Variants in PPP6R3 observed in about 807,000 individuals in gnomAD.
The protein encoded by PPP6R3 is protein phosphatase 6 regulatory subunit 3.
PPP6R3 carries 38 observed loss-of-function variants against 110.7 expected under a neutral mutation model. The ratio of observed to expected loss-of-function variants is 0.34; its 90% CI spans 0.26 to 0.45. The LOEUF (loss-of-function observed/expected upper bound fraction) is 0.45, where lower values mean the gene tolerates loss of function less well. PPP6R3 is among the 20% of genes least tolerant of loss of function. PPP6R3 has a pLI of 1.00. For synonymous variants in PPP6R3, 369 were observed against 373.5 expected (o/e 0.99, Z 0.14); for missense variants, 870 against 1,062.4 (o/e 0.82, Z 2.52).
At chr11:68,553,370 C>T (rs1159220751) in intron 6 of PPP6R3, among the ~76,000 whole-genome samples, 3 of 151,586 alleles carry the variant, frequency 2.0e-5, no homozygotes, top group Admixed American at 6.6e-5. Flanking sequence ...CTCGGCTCAC[C>T]GCCACCTCTG....
intron 1 of PPP6R3, among the ~76,000 whole-genome samples, chr11:68,472,456 C>T (rs1020582144): frequency 1.9e-4 from 29 of 152,218 alleles, no homozygotes; most frequent in Non-Finnish European, 3.2e-4. Context: ...CAGGGTAGTG[C>T]GACATGTACA....
Position 68,613,363 on chromosome 11 carries a change from G to A in PPP6R3, c.*246G>A. The A allele has an allele frequency of 8.3e-7, 1 of 1,209,222 alleles. No homozygotes were observed. Among genetic ancestry groups the A allele is most frequent in the South Asian group, 3.1e-5 (1 of 32,492 alleles). 74.9% of individuals were successfully genotyped at this position (1,209,222 alleles called of 1,614,324 possible). A position where few individuals can be genotyped will look rare whatever the true frequency, so the allele number is the denominator to read the frequency against. On this transcript the variant is annotated 3_prime_UTR_variant, in exon 24 of 24. Transcript: ENST00000393800. The stretch of plus-strand genomic sequence containing the variant: ...TTATATTGTATTGTTCTAAATAATG[G>A]GTAGCCTGTGAAATAAGATCTTGCC...
intron 2 of PPP6R3, among the ~76,000 whole-genome samples, chr11:68,524,759 C>T (rs972451315): frequency 2.0e-5 from 3 of 152,168 alleles, no homozygotes; most frequent in African/African-American, 7.2e-5. Flanking sequence ...ATTAGCTCTT[C>T]CTCTTAGCTT....
At chr11:68,608,136 C>A (rs904837808) in intron 22 of PPP6R3, among the ~76,000 whole-genome samples, 4 of 149,752 alleles carry the variant, frequency 2.7e-5, no homozygotes, top group Non-Finnish European at 4.4e-5. Context: ...ATGCTGCAGA[C>A]AAAATTAAGA....
intron 7 of PPP6R3, among the ~76,000 whole-genome samples, chr11:68,557,454 G>C (rs1315461623): frequency 6.6e-6 from 1 of 152,106 alleles, no homozygotes; most frequent in East Asian, 1.9e-4. Flanking sequence ...AGCAACCAAG[G>C]ACAACCCAGC....
chr11:68,475,349 G>A (rs1396993128), intron 1 of PPP6R3, among the ~76,000 whole-genome samples: 2 of 152,218 alleles, frequency 1.3e-5, no homozygotes, highest in Admixed American at 6.5e-5. Flanking sequence ...TGATTTCTCT[G>A]TCTTTTCCCC....
At position 68,567,160 on chromosome 11, in the gene PPP6R3, C is replaced by G. The variant is rs1383387238; in HGVS notation, c.1122C>G (p.Val374=). ...TTATGGAGCTGAATAGCATTGGAGTCATATTGGTGAGATTTTCCCTGCTCA... is the reference window on the plus strand; with the variant it reads ...TTATGGAGCTGAATAGCATTGGAGTGATATTGGTGAGATTTTCCCTGCTCA... ...GDLMELNSIG[V]ILNMFFKYTW... The change falls in exon 10 of 24, where the codon GTC becomes GTG. Residue 374 remains valine, a synonymous_variant. Transcript: ENST00000393800. The G allele has an allele frequency of 1.3e-6, 2 of 1,537,082 alleles. No individual in the cohort carries two copies. The highest frequency in any genetic ancestry group is 1.2e-5 in the South Asian group (1 of 80,206).
At chr11:68,471,057 C>T (rs974356227) in intron 1 of PPP6R3, among the ~76,000 whole-genome samples, 25 of 151,474 alleles carry the variant, frequency 1.7e-4, no homozygotes, top group African/African-American at 5.1e-4. Flanking sequence ...CTGAGACGGG[C>T]GGATCACAAG....
chr11:68,557,621 C>T (rs959590775), intron 7 of PPP6R3, among the ~76,000 whole-genome samples: 1 of 152,100 alleles, frequency 6.6e-6, no homozygotes, highest in Non-Finnish European at 1.5e-5. Flanking sequence ...TGGGTTCAAG[C>T]GATTCTCCTG....
At position 68,548,336 on chromosome 11, in the gene PPP6R3, C is replaced by G. The variant is rs570171347; in HGVS notation, c.552+132C>G. 28 of 1,180,538 alleles carry G rather than the reference C, an allele frequency of 2.4e-5. No individual in the cohort carries two copies. The African/African-American group carries it at 3.1e-4, about 13-fold the overall frequency. The allele number at this position is 1,180,538 out of a possible 1,614,324, so 73.1% of individuals were successfully genotyped here. On this transcript the variant is annotated intron_variant, in intron 5 of 23. Transcript: ENST00000393800. The stretch of plus-strand genomic sequence containing the variant: ...AGAGGGTTGTCTGGGGAGCCGGTAA[C>G]AGGGTGGGGAAGAAAGGTTGTTCCA...
At chr11:68,527,929 A>G (rs1206399323) in intron 2 of PPP6R3, among the ~76,000 whole-genome samples, 1 of 152,190 alleles carries the variant, frequency 6.6e-6, no homozygotes, top group Non-Finnish European at 1.5e-5. Context: ...ATGCAGCTCC[A>G]TTCATCACCT....
chr11:68,490,809 A>C (rs1378875906), intron 1 of PPP6R3, among the ~76,000 whole-genome samples: 1 of 152,068 alleles, frequency 6.6e-6, no homozygotes, highest in Non-Finnish European at 1.5e-5. Flanking sequence ...TATTTCTTAG[A>C]ATTTCCATCT....
intron 22 of PPP6R3, among the ~76,000 whole-genome samples, chr11:68,605,996 A>G (rs1939523895): frequency 6.6e-6 from 1 of 152,268 alleles, no homozygotes; most frequent in South Asian, 2.1e-4. Flanking sequence ...ATAATTACAG[A>G]AAATGATCAG....
intron 22 of PPP6R3, among the ~76,000 whole-genome samples, chr11:68,605,640 CT>C (rs965493889): frequency 2.6e-5 from 4 of 152,100 alleles, no homozygotes; most frequent in African/African-American, 9.7e-5. Context: ...GTAAGTTTGA[CT>C]TTAATTTCTA....
At chr11:68,506,984 G>T (rs2099081928) in intron 1 of PPP6R3, among the ~76,000 whole-genome samples, 1 of 152,168 alleles carries the variant, frequency 6.6e-6, no homozygotes, top group African/African-American at 2.4e-5. Flanking sequence ...ACAGGCAGAG[G>T]TAGTTCTTTG....
chr11:68,565,564 C>T (rs1479751976), intron 9 of PPP6R3, among the ~76,000 whole-genome samples: 1 of 151,620 alleles, frequency 6.6e-6, no homozygotes, highest in South Asian at 2.1e-4. Context: ...AAGTGGAAGA[C>T]GGAGGTGGGA....
intron 1 of PPP6R3, among the ~76,000 whole-genome samples, chr11:68,490,911 A>G (rs1440002237): frequency 6.6e-6 from 1 of 152,132 alleles, no homozygotes; most frequent in Non-Finnish European, 1.5e-5. Context: ...CAAAATTGCT[A>G]GTGGCCGGGC....
rs760851481 is a variant in PPP6R3 at position 68,558,680 on chromosome 11, G to A, written c.845+1G>A. On this transcript the variant is annotated splice_donor_variant, in intron 8 of 23. Transcript: ENST00000393800. LOFTEE classifies it high-confidence loss of function. ...CTTTACTTGAGACACGACGACCAACGTAAGCTTTTCTTATATCTTACAAAA... is the reference window on the plus strand; with the variant it reads ...CTTTACTTGAGACACGACGACCAACATAAGCTTTTCTTATATCTTACAAAA... 6.3e-7 allele frequency: 1 copy of A among 1,596,822 alleles called. No individual in the cohort carries two copies. Among genetic ancestry groups the A allele is most frequent in the Non-Finnish European group, 8.6e-7 (1 of 1,166,882 alleles).
intron 15 of PPP6R3, 137 bp downstream of exon 15, chr11:68,583,266 T>A: frequency 1.5e-6 from 1 of 653,486 alleles, no homozygotes; most frequent in Non-Finnish European, 2.5e-6. Context: ...CCAAAGCATT[T>A]AAAATAGGAA....
Sources: gnomAD v4.1 joint callset for allele counts (sites outside exome capture counted in the v4.1 genomes callset) on GRCh38, gnomAD v4.1.1 for gene constraint, MANE v1.5 for transcripts, NCBI Gene and HGNC (gene_info 2026-07-23, HGNC 2026-07-21) for gene names.